The following PRL variants were observed in gnomAD, a reference collection of about 807,000 sequenced individuals.
PRL encodes prolactin.
In PRL, 24 loss-of-function variants were observed where a neutral mutation model predicts 21.3. That is an observed-to-expected ratio of 1.13 (90% CI 0.82 to 1.59). The LOEUF (loss-of-function observed/expected upper bound fraction) is 1.59. PRL is among the 40% of genes most tolerant of loss of function. The pLI is 0.00. For synonymous variants in PRL, 118 were observed against 115.7 expected (o/e 1.02, Z -0.13); for missense variants, 243 against 286.9 (o/e 0.85, Z 1.10).
At chr6:22,290,094 T>G (rs1761014737) in intron 4 of PRL, 80 bp downstream of exon 4, 1 of 1,336,020 alleles carries the variant, frequency 7.5e-7, no homozygotes, top group South Asian at 2.5e-5. Context: ...TTTCCTTCTT[T>G]CAAAGGGAAA....
intron 1 of PRL, among the ~76,000 whole-genome samples, chr6:22,295,641 G>T (rs1358172708): frequency 6.6e-6 from 1 of 152,078 alleles, no homozygotes; most frequent in Non-Finnish European, 1.5e-5. Flanking sequence ...CTCAGCAAAT[G>T]GACAGTTACA....
intron 2 of PRL, among the ~76,000 whole-genome samples, chr6:22,293,951 T>C (rs1761118442): frequency 6.6e-6 from 1 of 152,228 alleles, no homozygotes; most frequent in African/African-American, 2.4e-5. Flanking sequence ...TTATTATTTG[T>C]ATATTTTCCC....
At chr6:22,297,862 G>A (rs114055161), upstream of PRL, among the ~76,000 whole-genome samples, 507 of 152,264 alleles carry the variant, frequency 3.3e-3, 5 homozygotes, top group African/African-American at 0.011. Flanking sequence ...AGTCACTTGC[G>A]CACCAGCCTA....
intron 1 of PRL, among the ~76,000 whole-genome samples, chr6:22,296,068 A>G (rs1761166199): frequency 6.6e-6 from 1 of 152,216 alleles, no homozygotes; most frequent in Non-Finnish European, 1.5e-5. Flanking sequence ...TGTATATTTT[A>G]TCTGTATGTG....
chr6:22,293,691 G>GAAAA (rs1761111675), intron 2 of PRL, among the ~76,000 whole-genome samples: 1 of 128,450 alleles, frequency 7.8e-6, no homozygotes, highest in African/African-American at 2.9e-5. Context: ...AGGAAAAAAG[G>GAAAA]AAGGAAGGAA....
intron 1 of PRL, among the ~76,000 whole-genome samples, chr6:22,295,371 C>T (rs987444112): frequency 5.3e-5 from 8 of 152,108 alleles, no homozygotes; most frequent in Non-Finnish European, 1.2e-4. Context: ...GGTCTTTGCA[C>T]GTCGTCTTGT....
At chr6:22,293,308 A>T (rs1761092703) in intron 2 of PRL, among the ~76,000 whole-genome samples, 1 of 152,214 alleles carries the variant, frequency 6.6e-6, no homozygotes, top group African/African-American at 2.4e-5. Context: ...TTGACAGGAA[A>T]GACTAGTCTT....
At chr6:22,289,386 G>C (rs904748020) in intron 4 of PRL, among the ~76,000 whole-genome samples, 2 of 152,002 alleles carry the variant, frequency 1.3e-5, no homozygotes, top group African/African-American at 4.8e-5. Flanking sequence ...AAGCTGTTTA[G>C]GTATTATCTC....
At position 22,287,535 on chromosome 6, in the gene PRL, A is replaced by C; in HGVS notation, c.551T>G (p.Leu184Arg). 1.9e-6 allele frequency: 3 copies of C among 1,614,100 alleles called. No individual in the cohort carries two copies. The highest frequency in any genetic ancestry group is 2.5e-6 in the Non-Finnish European group (3 of 1,179,938). The change falls in exon 5 of 5, where the codon CTG becomes CGG. Residue 184 changes from leucine (L) to arginine (R), a missense_variant. By Grantham distance (102) the Leu-to-Arg change is moderately radical. Coordinates refer to ENST00000306482, the MANE Select transcript of PRL (RefSeq NM_000948.6). The part of the protein sequence containing the change: ...IYPVWSGLPS[L>R]QMADEESRLS... The stretch of plus-strand genomic sequence containing the variant: ...GCGAGACTCTTCATCAGCCATCTGC[A>C]GGGATGGAAGTCCCGACCAGACAGG...
rs1372939215 is a variant in PRL, at chr6:22,288,879, CGT to C, written c.493-1288_493-1287del. ...TTTAAAGTGTGTGTGTGTGTATGCG[CGT>C]GCGCGTGTGTGTGCGTGTGTGCGCG... On this transcript the variant is annotated intron_variant, in intron 4 of 4. Transcript: ENST00000306482. This position sits in a 1 kb window ranked among gnomAD's most constrained non-coding sequence, Gnocchi z 4.5. Among the ~76,000 whole-genome samples the C allele has an allele frequency of 6.6e-6, 1 of 151,466 alleles. No homozygotes were observed. Among genetic ancestry groups the C allele is most frequent in the Non-Finnish European group, 1.5e-5 (1 of 67,874 alleles).
intron 4 of PRL, among the ~76,000 whole-genome samples, chr6:22,289,959 G>A (rs1030251600): frequency 6.6e-6 from 1 of 152,128 alleles, no homozygotes; most frequent in African/African-American, 2.4e-5. Flanking sequence ...TTGCGTGTAG[G>A]TGTAGGGAAA....
At chr6:22,298,359 C>A (rs1055438864), upstream of PRL, among the ~76,000 whole-genome samples, 2 of 152,124 alleles carry the variant, frequency 1.3e-5, no homozygotes, top group Admixed American at 1.3e-4. Flanking sequence ...ATTTTTAAGT[C>A]CATGCATCTA....
At chr6:22,302,326 G>GA (rs67991403), upstream of PRL, among the ~76,000 whole-genome samples, 45 of 147,678 alleles carry the variant, frequency 3.0e-4, no homozygotes, top group African/African-American at 8.5e-4. Context: ...ACAGAAAATA[G>GA]AAAAAAAAAA....
upstream of PRL, among the ~76,000 whole-genome samples, chr6:22,299,978 A>T (rs751095872): frequency 6.6e-6 from 1 of 152,238 alleles, no homozygotes; most frequent in Non-Finnish European, 1.5e-5. Flanking sequence ...TTCAATTTAT[A>T]TTAGTAGTGA....
chr6:22,287,297 C>T lies in PRL; in HGVS notation c.*105G>A. The T allele has an allele frequency of 8.6e-7, 1 of 1,158,104 alleles. No individual in the cohort carries two copies. Among genetic ancestry groups the T allele is most frequent in the East Asian group, 2.6e-5 (1 of 39,120 alleles). 71.7% of individuals were successfully genotyped at this position (1,158,104 alleles called of 1,614,324 possible). A position where few individuals can be genotyped will look rare whatever the true frequency, so the allele number is the denominator to read the frequency against. On this transcript the variant is annotated 3_prime_UTR_variant, in exon 5 of 5. Coordinates refer to ENST00000306482, the MANE Select transcript of PRL (RefSeq NM_000948.6). ...TCAGTTTTTATTTTTTAAGAGGAGA[C>T]CTGTTACACCCAAGCATGGATTCAA...
rs115050734 is a variant in PRL at position 22,290,744 on chromosome 6, T to G, written c.313-391A>C. On this transcript the variant is annotated intron_variant, in intron 3 of 4. Transcript: ENST00000306482. The stretch of plus-strand genomic sequence containing the variant: ...GTAGGTGCCCAGAGTATCTGACTCA[T>G]GAGAAATAGATTCCACTGGGGTCCA... The G allele has an allele frequency of 8.7e-3, 1,345 of 154,660 alleles. 13 individuals carry two copies. The highest frequency in any genetic ancestry group is 0.013 in the Non-Finnish European group (902 of 69,618). The allele number at this position is 154,660 out of a possible 1,614,324, so 9.6% of individuals were successfully genotyped here.
chr6:22,295,379 T>TG (rs1220275507), intron 1 of PRL, among the ~76,000 whole-genome samples: 12 of 152,298 alleles, frequency 7.9e-5, no homozygotes, highest in Admixed American at 3.9e-4. Flanking sequence ...CACGTCGTCT[T>TG]GTCACATCGC....
intron 1 of PRL, 127 bp downstream of exon 1, chr6:22,296,828 A>C: frequency 9.9e-7 from 1 of 1,015,196 alleles, no homozygotes; most frequent in Non-Finnish European, 1.4e-6. Context: ...TGCTTTCTAG[A>C]GGAAACATAA....
chr6:22,299,577 A>G (rs550923938), upstream of PRL, among the ~76,000 whole-genome samples: 23 of 152,348 alleles, frequency 1.5e-4, no homozygotes, highest in African/African-American at 5.5e-4. Flanking sequence ...GCAGTGGCTC[A>G]CGCCTGTAAT....
Sources: allele counts gnomAD v4.1 joint callset (sites outside exome capture counted in the v4.1 genomes callset), GRCh38; gene constraint gnomAD v4.1.1; non-coding constraint Gnocchi (gnomAD v3.1); transcripts MANE v1.5; gene names NCBI Gene and HGNC (gene_info 2026-07-23, HGNC 2026-07-21).